Variants in APP observed in about 807,000 individuals in gnomAD.
APP encodes the protein amyloid beta precursor protein.
In APP, 31 loss-of-function variants were observed where a neutral mutation model predicts 101.4. The observed-to-expected ratio is 0.31, with a 90% confidence interval of 0.23 to 0.41. APP has a LOEUF of 0.41. Among genes scored for constraint, APP ranks in the 10% least tolerant of loss-of-function variants. APP has a pLI of 1.00. For missense variants in APP, 839 were observed against 1,003.7 expected (o/e 0.84, Z 2.22); for synonymous variants, 366 against 364.4 (o/e 1.00, Z -0.05).
intron 12 of APP, 93 bp downstream of exon 12, chr21:25,955,534 T>C: frequency 3.8e-6 from 6 of 1,579,556 alleles, no homozygotes; most frequent in Non-Finnish European, 4.3e-6. Flanking sequence ...CACCTATAGG[T>C]GCTCGGAGAA....
intron 1 of APP, among the ~76,000 whole-genome samples, chr21:26,146,699 A>C (rs1032443433): frequency 6.6e-6 from 1 of 152,180 alleles, no homozygotes; most frequent in Non-Finnish European, 1.5e-5. Context: ...TCAGCGCACT[A>C]TTCTCTCTTG....
intron 13 of APP, among the ~76,000 whole-genome samples, chr21:25,948,937 T>C (rs1453355167): frequency 1.3e-5 from 2 of 152,208 alleles, no homozygotes; most frequent in Admixed American, 6.5e-5. Context: ...AGAGGAGCCA[T>C]AGTTTCACTG....
intron 13 of APP, chr21:25,928,788 T>G (rs888326199): frequency 1.4e-5 from 2 of 145,014 alleles, no homozygotes; most frequent in Non-Finnish European, 3.0e-5. Flanking sequence ...AGAGTCTTGC[T>G]CTGTCACCAG....
chr21:26,014,507 T>C lies in APP; in HGVS notation c.865+7333A>G, dbSNP rs560221006. ...CTGATACGCCAACTTCTCTGCAACA[T>C]AGTAGGTGAAAACTTTTGTTCCGGG... On this transcript the variant is annotated intron_variant, in intron 6 of 17. Coordinates refer to ENST00000346798, the MANE Select transcript of APP (RefSeq NM_000484.4). Among the ~76,000 whole-genome samples, 4 of 152,324 alleles carry C rather than the reference T, an allele frequency of 2.6e-5. No individual in the cohort carries two copies. The South Asian group carries it at 8.3e-4, about 32-fold the overall frequency.
chr21:26,165,214 A>G (rs1447851733), intron 1 of APP, among the ~76,000 whole-genome samples: 1 of 152,250 alleles, frequency 6.6e-6, no homozygotes, highest in Non-Finnish European at 1.5e-5. Context: ...TTAACTTTCA[A>G]CTATGCAGGA....
chr21:25,890,365 T>C (rs2037609482), intron 17 of APP, among the ~76,000 whole-genome samples: 7 of 152,230 alleles, frequency 4.6e-5, no homozygotes, highest in Admixed American at 4.6e-4. Flanking sequence ...CCTCTTCTAA[T>C]CAAGAATGGT....
At chr21:25,918,563 A>C (rs931052202) in intron 13 of APP, among the ~76,000 whole-genome samples, 1 of 152,032 alleles carries the variant, frequency 6.6e-6, no homozygotes, top group African/African-American at 2.4e-5. Flanking sequence ...GCATTGCCTC[A>C]CCTGGGAAGC....
chr21:26,038,120 C>T (rs1173709036), intron 5 of APP, among the ~76,000 whole-genome samples: 2 of 152,070 alleles, frequency 1.3e-5, no homozygotes, highest in African/African-American at 4.8e-5. Context: ...TAGCAGTTTT[C>T]TAATCATGAG....
intron 8 of APP, among the ~76,000 whole-genome samples, chr21:25,994,036 G>A (rs1238307751): frequency 1.2e-4 from 19 of 152,204 alleles, no homozygotes; most frequent in Admixed American, 1.2e-3. Context: ...GCAATCTGCT[G>A]ACTAAAAATT....
intron 13 of APP, among the ~76,000 whole-genome samples, chr21:25,951,175 T>G (rs1319284479): frequency 3.9e-5 from 6 of 152,216 alleles, no homozygotes; most frequent in Non-Finnish European, 7.3e-5. Flanking sequence ...TGATGAACCC[T>G]ATGCTCTGGT....
intron 1 of APP, among the ~76,000 whole-genome samples, chr21:26,144,551 G>T (rs751944107): frequency 5.3e-5 from 8 of 151,978 alleles, no homozygotes; most frequent in Non-Finnish European, 1.0e-4. Context: ...TTTGGGAAAG[G>T]CTACACTCAA....
At chr21:26,167,779 T>G (rs1243563121) in intron 1 of APP, among the ~76,000 whole-genome samples, 1 of 152,222 alleles carries the variant, frequency 6.6e-6, no homozygotes, top group Non-Finnish European at 1.5e-5. Flanking sequence ...TTCCATCTAG[T>G]AACTTCTCCG....
chr21:26,061,684 C>T (rs2046269659), intron 3 of APP, among the ~76,000 whole-genome samples: 1 of 152,154 alleles, frequency 6.6e-6, no homozygotes, highest in African/African-American at 2.4e-5. Context: ...TGGCTGTTGC[C>T]GTCACCAGCA....
At chr21:26,098,371 A>G (rs560298158) in intron 2 of APP, among the ~76,000 whole-genome samples, 9 of 152,148 alleles carry the variant, frequency 5.9e-5, no homozygotes, top group African/African-American at 2.2e-4. Context: ...AGACAAGATG[A>G]CATTTAAGTT....
At chr21:26,104,323 GA>G (rs369030779) in intron 2 of APP, among the ~76,000 whole-genome samples, 5,833 of 151,916 alleles carry the variant, frequency 0.038, 236 homozygotes, top group Admixed American at 0.12. Flanking sequence ...AAAAAGGGGG[GA>G]AAAATCTCAA....
chr21:26,072,005 G>C (rs929381673), intron 3 of APP, among the ~76,000 whole-genome samples: 3 of 152,150 alleles, frequency 2.0e-5, no homozygotes, highest in Admixed American at 6.5e-5. Flanking sequence ...GGATATTTCA[G>C]GGCCTTCGCT....
chr21:25,882,337 A>G (rs1314125129), intron 17 of APP, among the ~76,000 whole-genome samples: 2 of 150,360 alleles, frequency 1.3e-5, no homozygotes, highest in Non-Finnish European at 2.9e-5. Context: ...AATTAAAACA[A>G]TAACATATAC....
At chr21:25,998,700 C>A (rs1027772543) in intron 7 of APP, among the ~76,000 whole-genome samples, 3 of 152,100 alleles carry the variant, frequency 2.0e-5, no homozygotes, top group African/African-American at 4.8e-5. Flanking sequence ...AAAAGTAATA[C>A]ACAGTTATTG....
At chr21:26,050,402 G>T (rs1013468076) in intron 5 of APP, among the ~76,000 whole-genome samples, 14 of 152,116 alleles carry the variant, frequency 9.2e-5, no homozygotes, top group Non-Finnish European at 1.6e-4. Flanking sequence ...AGTTAAGAAT[G>T]AGAATCAGGT....
Sources: allele counts gnomAD v4.1 joint callset (sites outside exome capture counted in the v4.1 genomes callset), GRCh38; gene constraint gnomAD v4.1.1; transcripts MANE v1.5; gene names NCBI Gene and HGNC (gene_info 2026-07-23, HGNC 2026-07-21).